The following CSMD1 variants were observed in gnomAD, a reference collection of about 807,000 sequenced individuals.
CSMD1 encodes the protein CUB and sushi domain-containing protein 1.
Under a neutral mutation model 417.5 loss-of-function variants are expected in CSMD1, and 213 were observed. The ratio of observed to expected loss-of-function variants is 0.51; its 90% CI spans 0.46 to 0.57. The LOEUF (loss-of-function observed/expected upper bound fraction) is 0.57. Ranked by LOEUF, CSMD1 falls within the 20% of genes least tolerant of loss-of-function variation. CSMD1 has a pLI of 0.00. For missense variants in CSMD1, 6,923 were observed against 4,529.7 expected (o/e 1.53, Z -15.17); for synonymous variants, 2,862 against 1,736.8 (o/e 1.65, Z -16.11).
chr8:3,041,170 G>T (rs73488408), intron 50 of CSMD1, among the ~76,000 whole-genome samples: 2,603 of 152,132 alleles, frequency 0.017, 66 homozygotes, highest in African/African-American at 0.059. Context: ...AACATTTTTG[G>T]ACTTAATAAA....
At chr8:4,396,638 C>G (rs1030536039) in intron 3 of CSMD1, among the ~76,000 whole-genome samples, 2 of 151,626 alleles carry the variant, frequency 1.3e-5, no homozygotes, top group African/African-American at 4.9e-5. Flanking sequence ...CACACACACA[C>G]ACATAAATAT....
At chr8:3,630,233 T>A (rs950024923) in intron 7 of CSMD1, among the ~76,000 whole-genome samples, 4 of 152,196 alleles carry the variant, frequency 2.6e-5, no homozygotes, top group Non-Finnish European at 5.9e-5. Flanking sequence ...TGGGGGAGCA[T>A]CAGATTTTGG....
At chr8:4,363,907 G>A (rs959239855) in intron 3 of CSMD1, among the ~76,000 whole-genome samples, 1 of 152,190 alleles carries the variant, frequency 6.6e-6, no homozygotes, top group Non-Finnish European at 1.5e-5. Flanking sequence ...TCTAGAAAGG[G>A]TGTAGGGCAG....
At chr8:3,770,625 T>C (rs768042788) in intron 5 of CSMD1, among the ~76,000 whole-genome samples, 1 of 152,026 alleles carries the variant, frequency 6.6e-6, no homozygotes, top group Non-Finnish European at 1.5e-5. Context: ...GGAAGAAGGG[T>C]CTGAAAGGAA....
intron 20 of CSMD1, among the ~76,000 whole-genome samples, chr8:3,362,683 T>A (rs1201635845): frequency 6.6e-6 from 1 of 152,162 alleles, no homozygotes; most frequent in African/African-American, 2.4e-5. Flanking sequence ...GAGAAAAAGG[T>A]CTGTATTTTC....
chr8:3,565,819 G>GTT (rs146715318), intron 10 of CSMD1, among the ~76,000 whole-genome samples: 3 of 149,358 alleles, frequency 2.0e-5, no homozygotes, highest in African/African-American at 4.9e-5. Flanking sequence ...CAAATATATT[G>GTT]TTTTTTTTTT....
At chr8:3,716,152 C>A (rs1801819896) in intron 6 of CSMD1, among the ~76,000 whole-genome samples, 2 of 152,192 alleles carry the variant, frequency 1.3e-5, no homozygotes, top group Admixed American at 6.5e-5. Context: ...TTCTAATTCA[C>A]TGGCCGCTCC....
intron 1 of CSMD1, among the ~76,000 whole-genome samples, chr8:4,899,667 G>C (rs1385206924): frequency 1.3e-5 from 2 of 152,138 alleles, no homozygotes; most frequent in African/African-American, 4.8e-5. Context: ...AGATGACCAT[G>C]TCTTGAACAA....
chr8:3,069,061 T>A (rs1813149263), intron 49 of CSMD1, among the ~76,000 whole-genome samples: 1 of 152,040 alleles, frequency 6.6e-6, no homozygotes, highest in Non-Finnish European at 1.5e-5. Context: ...AAATCAAAAA[T>A]AAGTTTGTAG....
chr8:4,080,544 G>A (rs17332041), intron 3 of CSMD1, among the ~76,000 whole-genome samples: 1 of 152,152 alleles, frequency 6.6e-6, no homozygotes, highest in African/African-American at 2.4e-5. Context: ...CCAACACATA[G>A]GTTTCTCCAG....
intron 3 of CSMD1, among the ~76,000 whole-genome samples, chr8:4,244,017 C>A (rs1802551103): frequency 6.6e-6 from 1 of 152,212 alleles, no homozygotes; most frequent in Non-Finnish European, 1.5e-5. Flanking sequence ...TGGGAAGCTG[C>A]ATTTTAACCT....
At chr8:3,104,511 T>C (rs182055076) in intron 46 of CSMD1, among the ~76,000 whole-genome samples, 1 of 152,132 alleles carries the variant, frequency 6.6e-6, no homozygotes, top group Non-Finnish European at 1.5e-5. Context: ...ATAGTTCTCA[T>C]GTAGATACAA....
At chr8:3,989,510 C>T (rs1814588102) in intron 5 of CSMD1, among the ~76,000 whole-genome samples, 1 of 152,196 alleles carries the variant, frequency 6.6e-6, no homozygotes, top group Non-Finnish European at 1.5e-5. Flanking sequence ...ACTAATAATA[C>T]TCCACAGGGT....
At chr8:4,992,184 C>T (rs1752623860) in intron 1 of CSMD1, among the ~76,000 whole-genome samples, 1 of 152,116 alleles carries the variant, frequency 6.6e-6, no homozygotes, top group South Asian at 2.1e-4. Flanking sequence ...CCAGAATCAT[C>T]CAGAGCAGCC....
At chr8:4,724,450 A>G (rs1809278063) in intron 1 of CSMD1, among the ~76,000 whole-genome samples, 2 of 151,914 alleles carry the variant, frequency 1.3e-5, no homozygotes, top group African/African-American at 4.8e-5. Context: ...CAAATATAAT[A>G]TTTACATTAC....
At chr8:4,099,389 C>G (rs1400688479) in intron 3 of CSMD1, among the ~76,000 whole-genome samples, 1 of 152,120 alleles carries the variant, frequency 6.6e-6, no homozygotes, top group African/African-American at 2.4e-5. Flanking sequence ...CACCTCCTAT[C>G]GCTTACCTGA....
At chr8:3,214,408 C>T (rs1418767403) in intron 30 of CSMD1, 89 bp downstream of exon 30, 32 of 1,092,054 alleles carry the variant, frequency 2.9e-5, no homozygotes, top group Non-Finnish European at 9.1e-6. Context: ...GAGAGGAATA[C>T]GTGTTGAAAT....
At chr8:3,710,498 T>C (rs1416986128) in intron 6 of CSMD1, among the ~76,000 whole-genome samples, 1 of 152,162 alleles carries the variant, frequency 6.6e-6, no homozygotes, top group East Asian at 1.9e-4. Context: ...TCTTTTCAAA[T>C]CACTGACATT....
chr8:4,863,623 T>G (rs576928417), intron 1 of CSMD1, among the ~76,000 whole-genome samples: 1 of 152,114 alleles, frequency 6.6e-6, no homozygotes, highest in African/African-American at 2.4e-5. Context: ...CACTCCCACC[T>G]CTCCATATCC....
Sources: gnomAD v4.1 joint callset for allele counts (sites outside exome capture counted in the v4.1 genomes callset) on GRCh38, gnomAD v4.1.1 for gene constraint, MANE v1.5 for transcripts, NCBI Gene and HGNC (gene_info 2026-07-23, HGNC 2026-07-21) for gene names.